CDK12: variants seen among roughly 807,000 people sequenced by gnomAD.
The protein encoded by CDK12 is cyclin dependent kinase 12, also known as cyclin-dependent kinase 12.
CDK12 carries 17 observed loss-of-function variants against 133.8 expected under a neutral mutation model. That is an observed-to-expected ratio of 0.13 (90% confidence interval 0.09 to 0.19). The LOEUF is 0.19. CDK12 is among the 10% of genes least tolerant of loss of function. The pLI, the probability that CDK12 is intolerant of heterozygous loss-of-function variation, is 1.00. For missense variants in CDK12, 1,508 were observed against 1,818.7 expected (o/e 0.83, Z 3.11); for synonymous variants, 694 against 683.6 (o/e 1.02, Z -0.24).
chr17:39,526,466 T>C, intron 13 of CDK12, 150 bp downstream of exon 13: 1 of 651,078 alleles, frequency 1.5e-6, no homozygotes, highest in Non-Finnish European at 2.6e-6. Flanking sequence ...CCAAGTAATG[T>C]ATTTCTTGCT....
intron 5 of CDK12, among the ~76,000 whole-genome samples, chr17:39,499,642 T>C (rs1042565354): frequency 2.0e-5 from 3 of 151,880 alleles, no homozygotes; most frequent in Non-Finnish European, 4.4e-5. Context: ...CCCGTGTAGC[T>C]GGAATTATAG....
intron 11 of CDK12, among the ~76,000 whole-genome samples, chr17:39,522,131 C>T (rs552041989): frequency 6.6e-6 from 1 of 151,816 alleles, no homozygotes; most frequent in African/African-American, 2.4e-5. Flanking sequence ...TTTTTTGAGA[C>T]AGAGTTTCAC....
chr17:39,525,219 G>A (rs2054423834), intron 12 of CDK12, among the ~76,000 whole-genome samples: 1 of 152,134 alleles, frequency 6.6e-6, no homozygotes, highest in South Asian at 2.1e-4. Flanking sequence ...ATAATTTGGA[G>A]CCTTGTTTAT....
Position 39,461,983 on chromosome 17 carries a change from G to T in CDK12, c.-89G>T. 3 of 1,053,944 alleles carry T rather than the reference G, an allele frequency of 2.8e-6. No individual in the cohort carries two copies. Among genetic ancestry groups the T allele is most frequent in the Non-Finnish European group, 4.1e-6 (3 of 731,812 alleles). The allele number at this position is 1,053,944 out of a possible 1,614,324, so 65.3% of individuals were successfully genotyped here. A position where few individuals can be genotyped will look rare whatever the true frequency, so the allele number is the denominator to read the frequency against. ...CCCCCTTCCCGGGGCGCTTTGGTGG[G>T]CGTGGAGTTGGGGTTGGGGGGGTGG... On this transcript the variant is annotated 5_prime_UTR_variant, in exon 1 of 14. Coordinates refer to ENST00000447079, the MANE Select transcript of CDK12 (RefSeq NM_016507.4).
chr17:39,541,108 A>G (rs1394557394), intron 1 of CDK12, among the ~76,000 whole-genome samples: 2 of 151,402 alleles, frequency 1.3e-5, no homozygotes, highest in African/African-American at 4.9e-5. Flanking sequence ...ACTTATGTCA[A>G]TGCTGTGGAT....
chr17:39,558,288 G>T (rs977857356), intron 3 of CDK12, among the ~76,000 whole-genome samples: 2 of 152,216 alleles, frequency 1.3e-5, no homozygotes, highest in Non-Finnish European at 2.9e-5. Flanking sequence ...CTTGGCAACT[G>T]TTCTGCCTGG....
intron 1 of CDK12, among the ~76,000 whole-genome samples, chr17:39,465,289 A>G (rs1240346259): frequency 2.7e-5 from 4 of 147,952 alleles, no homozygotes; most frequent in African/African-American, 5.0e-5. Flanking sequence ...TTTGTAATCT[A>G]TCTACCTGTC....
At chr17:39,499,216 T>TCCTTC (rs2052520643) in intron 5 of CDK12, among the ~76,000 whole-genome samples, 2 of 101,902 alleles carry the variant, frequency 2.0e-5, no homozygotes, top group East Asian at 5.0e-4. Flanking sequence ...TCCTTTTTTT[T>TCCTTC]TTTTTTTTGA....
chr17:39,498,876 T>C (rs1348906183), intron 5 of CDK12, among the ~76,000 whole-genome samples: 1 of 6 alleles, frequency 0.17, no homozygotes, highest in Non-Finnish European at 0.25. Flanking sequence ...TGATTTTCTC[T>C]TTCTTTCTTT....
chr17:39,562,902 CTTTTTTTTTTT>C (rs59852699), intron 3 of CDK12, among the ~76,000 whole-genome samples: 5 of 92,384 alleles, frequency 5.4e-5, no homozygotes, highest in Admixed American at 3.8e-4. Context: ...TTTTTCTTTT[CTTTTTTTTTTT>C]TTTTTTTTTT....
intron 6 of CDK12, 139 bp from the exon 7 acceptor site, chr17:39,509,561 AAAGAG>A: frequency 1.6e-6 from 1 of 614,958 alleles, no homozygotes; most frequent in South Asian, 2.1e-5. Context: ...TTTTAAAAAG[AAAGAG>A]AAAAGAGTAG....
At chr17:39,484,819 A>G (rs1445253330) in intron 2 of CDK12, among the ~76,000 whole-genome samples, 1 of 152,158 alleles carries the variant, frequency 6.6e-6, no homozygotes, top group Non-Finnish European at 1.5e-5. Context: ...AGATTTTTGC[A>G]TTGAATATGC....
rs142206147 is a variant in CDK12, at chr17:39,528,764, C to T, written c.3761-1840C>T. ...GTTTGAATACAAAAAAATGGCATAG[C>T]TGGAAGAATGTAAGTTTAGATTATC... is the stretch of plus-strand genomic sequence containing the variant. On this transcript the variant is annotated intron_variant, in intron 13 of 13. Coordinates refer to ENST00000447079, the MANE Select transcript of CDK12 (RefSeq NM_016507.4). Among the ~76,000 whole-genome samples, 60 of 152,318 alleles carry T rather than the reference C, an allele frequency of 3.9e-4. No individual in the cohort carries two copies. The East Asian group carries it at 0.011, about 28-fold the overall frequency.
At chr17:39,479,895 G>A (rs955360852) in intron 2 of CDK12, among the ~76,000 whole-genome samples, 22 of 147,356 alleles carry the variant, frequency 1.5e-4, no homozygotes, top group African/African-American at 5.5e-4. Context: ...CCAAAGTCCT[G>A]GGATTACAGG....
intron 2 of CDK12, among the ~76,000 whole-genome samples, chr17:39,552,965 G>A (rs140191290): frequency 1.3e-5 from 2 of 152,294 alleles, no homozygotes; most frequent in East Asian, 1.9e-4. Flanking sequence ...CTGACCTCAA[G>A]TGATCCGCCT....
chr17:39,465,401 CTTT>C (rs55869013), intron 1 of CDK12, among the ~76,000 whole-genome samples: 90 of 147,474 alleles, frequency 6.1e-4, no homozygotes, highest in Non-Finnish European at 5.7e-4. Flanking sequence ...CTGGATTACC[CTTT>C]TTTTTTTTTT....
chr17:39,488,246 A>G (rs2145762845), intron 2 of CDK12, among the ~76,000 whole-genome samples: 1 of 152,060 alleles, frequency 6.6e-6, no homozygotes, highest in South Asian at 2.1e-4. Context: ...AAAAAAAAAA[A>G]GATTGAAAAC....
At chr17:39,467,273 G>A (rs896043980) in intron 1 of CDK12, among the ~76,000 whole-genome samples, 3 of 152,090 alleles carry the variant, frequency 2.0e-5, no homozygotes, top group Non-Finnish European at 4.4e-5. Flanking sequence ...CACCATGCCC[G>A]GCGAAACAAC....
At chr17:39,480,804 A>C (rs188951879) in intron 2 of CDK12, among the ~76,000 whole-genome samples, 11 of 152,196 alleles carry the variant, frequency 7.2e-5, no homozygotes, top group African/African-American at 2.4e-4. Context: ...GAATTCAGCT[A>C]ATGGTATTTC....
Sources: allele counts gnomAD v4.1 joint callset (sites outside exome capture counted in the v4.1 genomes callset), GRCh38; gene constraint gnomAD v4.1.1; transcripts MANE v1.5; gene names NCBI Gene and HGNC (gene_info 2026-07-23, HGNC 2026-07-21).